Variants in DNALI1 observed in about 807,000 individuals in gnomAD.
The protein encoded by DNALI1 is axonemal dynein light intermediate polypeptide 1.
Under a neutral mutation model 33.9 loss-of-function variants are expected in DNALI1, and 31 were observed. The observed-to-expected ratio is 0.91, with a 90% CI of 0.69 to 1.23. The LOEUF (loss-of-function observed/expected upper bound fraction) is 1.23. DNALI1 is among the 50% of genes most tolerant of loss of function. The pLI, the probability that DNALI1 is intolerant of heterozygous loss-of-function variation, is 0.00. For missense variants in DNALI1, 305 were observed against 323.8 expected (o/e 0.94, Z 0.44); for synonymous variants, 117 against 129.2 (o/e 0.91, Z 0.64).
chr1:37,561,388 T>C lies in DNALI1; in HGVS notation c.398-169T>C, dbSNP rs142517083. On this transcript the variant is annotated intron_variant, in intron 3 of 5. Transcript: ENST00000652629. This position sits in a 1 kb window ranked among gnomAD's most constrained non-coding sequence, Gnocchi z 4.6. Reference sequence around the variant, plus strand: ...AGGAGTGACTGCATGGCAAGGCTCTTTGGGCCACTGAAGGCACCCTCCCTG... The same window carrying C: ...AGGAGTGACTGCATGGCAAGGCTCTCTGGGCCACTGAAGGCACCCTCCCTG... 504 of 750,498 alleles carry C rather than the reference T, an allele frequency of 6.7e-4. 1 individual carries two copies. In the African/African-American group the frequency reaches 7.6e-3, roughly 11 times the overall value. The allele number at this position is 750,498 out of a possible 1,614,324, so 46.5% of individuals were successfully genotyped here.
At position 37,561,328 on chromosome 1, in the gene DNALI1, T is replaced by C; in HGVS notation, c.398-229T>C. Reference sequence around the variant, plus strand: ...CTCCTTTGCTCTGGCCAACCCAGTCTTGCTGACTGTGCTACTCACAAGTGC... The same window carrying C: ...CTCCTTTGCTCTGGCCAACCCAGTCCTGCTGACTGTGCTACTCACAAGTGC... On this transcript the variant is annotated intron_variant, in intron 3 of 5. Transcript: ENST00000652629. This position sits in a 1 kb window ranked among gnomAD's most constrained non-coding sequence, Gnocchi z 4.6. The C allele has an allele frequency of 1.9e-6, 1 of 531,916 alleles. No individual in the cohort carries two copies. Among genetic ancestry groups the C allele is most frequent in the South Asian group, 2.8e-5 (1 of 35,836 alleles). The allele number at this position is 531,916 out of a possible 1,614,324, so 32.9% of individuals were successfully genotyped here.
In DNALI1 at chr1:37,566,854, A is replaced by G. The variant is rs756130836; in HGVS notation, c.*1793A>G. ...ATAATTTAATAAAAACCTTTTAAAC[A>G]TTACTGCTTTTGTCTGAATTTTTTG... On this transcript the variant is annotated 3_prime_UTR_variant, in exon 6 of 6. Transcript: ENST00000652629. 1.2e-6 allele frequency: 2 copies of G among 1,612,180 alleles called. No individual in the cohort carries two copies. The highest frequency in any genetic ancestry group is 2.2e-5 in the East Asian group (1 of 44,884).
rs768925360 is a variant in DNALI1 at position 37,561,568 on chromosome 1, C to T, written c.409C>T (p.Arg137Trp). The T allele has an allele frequency of 2.0e-5, 32 of 1,613,542 alleles. No individual in the cohort carries two copies. Among genetic ancestry groups the T allele is most frequent in the Middle Eastern group, 1.7e-4 (1 of 6,038 alleles). ...LYSQCFDELI[R>W]EVTINCAERG... is the part of the protein sequence containing the mutation. ...GTGTGCATTGGAAGATGAGTTGATC[C>T]GGGAGGTCACCATCAACTGTGCGGA... Residue 137 changes from arginine (R) to tryptophan (W), a missense_variant, in exon 4 of 6, where the codon CGG (arginine) becomes TGG (tryptophan). Transcript: ENST00000652629. The surrounding 1 kb of genome is among the most constrained non-coding windows in gnomAD (Gnocchi z 4.6).
intron 3 of DNALI1, chr1:37,560,944 T>G (rs1437390671): frequency 6.6e-6 from 1 of 152,370 alleles, no homozygotes; most frequent in Non-Finnish European, 1.5e-5. Flanking sequence ...TGCACCTCCT[T>G]GAGTGCTGGT....
chr1:37,557,580 C>T, intron 1 of DNALI1, 23 bp from the exon 2 acceptor site: 2 of 1,606,448 alleles, frequency 1.2e-6, no homozygotes, highest in Non-Finnish European at 1.7e-6. Context: ...AATTTCCTGC[C>T]CTCACCTGTG....
Position 37,561,968 on chromosome 1 carries a change from C to A in DNALI1, c.577-113C>A. On this transcript the variant is annotated intron_variant, in intron 4 of 5. Transcript: ENST00000652629. This position sits in a 1 kb window ranked among gnomAD's most constrained non-coding sequence, Gnocchi z 4.6. Reference sequence around the variant, plus strand: ...CTCCATGCCAGGCACTGACCTCCCACTGGGTGGCAGTATATACCCTGGCAA... The same window carrying A: ...CTCCATGCCAGGCACTGACCTCCCAATGGGTGGCAGTATATACCCTGGCAA... The A allele has an allele frequency of 6.6e-7, 1 of 1,511,240 alleles. No individual in the cohort carries two copies. Among genetic ancestry groups the A allele is most frequent in the East Asian group, 2.3e-5 (1 of 44,066 alleles). 93.6% of individuals were successfully genotyped at this position (1,511,240 alleles called of 1,614,324 possible). A position where few individuals can be genotyped will look rare whatever the true frequency, so the allele number is the denominator to read the frequency against.
Position 37,562,280 on chromosome 1 carries a change from C to T in DNALI1, c.741+35C>T. On this transcript the variant is annotated intron_variant, in intron 5 of 5. Transcript: ENST00000652629. The surrounding 1 kb of genome is among the most constrained non-coding windows in gnomAD (Gnocchi z 5.8). ...GCGCAGGGTGGGGTGGAGGTGCCCC[C>T]TGCCCTGCGACCCAGCCCCACAGGC... 1.3e-6 allele frequency: 2 copies of T among 1,594,526 alleles called. No homozygotes were observed. The highest frequency in any genetic ancestry group is 1.7e-6 in the Non-Finnish European group (2 of 1,170,428).
chr1:37,564,665 G>A (rs1273578094), intron 5 of DNALI1, among the ~76,000 whole-genome samples: 5 of 152,160 alleles, frequency 3.3e-5, no homozygotes, highest in East Asian at 1.9e-4. Context: ...ACAGGAATGA[G>A]CCACTGCGCC....
intron 2 of DNALI1, 117 bp downstream of exon 2, chr1:37,557,865 C>A: frequency 7.0e-7 from 1 of 1,438,712 alleles, no homozygotes. Context: ...CCCAGTATCA[C>A]AGAGCTCCTA....
chr1:37,561,612 G>T lies in DNALI1; in HGVS notation c.453G>T (p.Leu151=), dbSNP rs1452541152. 2 of 1,613,868 alleles carry T rather than the reference G, an allele frequency of 1.2e-6. No individual in the cohort carries two copies. Among genetic ancestry groups the T allele is most frequent in the South Asian group, 1.1e-5 (1 of 90,990 alleles). ...INCAERGLLL[L]RVRDEIRMTI... is the part of the protein sequence containing the mutation. ...GTGCGGAGAGGGGGCTGCTGCTGCT[G>T]CGAGTCCGGGACGAGATCCGCATGA... The change falls in exon 4 of 6, where the codon CTG becomes CTT. Residue 151 remains leucine (L), a synonymous_variant. Transcript: ENST00000652629. This position sits in a 1 kb window ranked among gnomAD's most constrained non-coding sequence, Gnocchi z 4.6.
In DNALI1 at chr1:37,561,775, T is replaced by C. The variant is rs764522053; in HGVS notation, c.576+40T>C. The C allele has an allele frequency of 1.3e-6, 2 of 1,594,266 alleles. No individual in the cohort carries two copies. Among genetic ancestry groups the C allele is most frequent in the South Asian group, 1.1e-5 (1 of 89,154 alleles). ...CCGTGACCCTTGGTCCCATCTCTTC[T>C]GTAAACCTCAGGGCCACATGCTTAT... is the stretch of plus-strand genomic sequence containing the variant. On this transcript the variant is annotated intron_variant, in intron 4 of 5. Coordinates refer to ENST00000652629, the MANE Select transcript of DNALI1 (RefSeq NM_003462.5). This position sits in a 1 kb window ranked among gnomAD's most constrained non-coding sequence, Gnocchi z 4.6.
rs965745718 is a variant in DNALI1, at chr1:37,561,440, T to C, written c.398-117T>C. On this transcript the variant is annotated intron_variant, in intron 3 of 5. Transcript: ENST00000652629. The surrounding 1 kb of genome is among the most constrained non-coding windows in gnomAD (Gnocchi z 4.6). ...GGCCCTTCTCTGAGGCCTTGCACTT[T>C]GTCTCCAAGCGAGAACACCCTAATG... 1.2e-4 allele frequency: 159 copies of C among 1,346,366 alleles called. No homozygotes were observed. Among genetic ancestry groups the C allele is most frequent in the Non-Finnish European group, 1.5e-4 (144 of 990,732 alleles). 83.4% of individuals were successfully genotyped at this position (1,346,366 alleles called of 1,614,324 possible).
intron 1 of DNALI1, 23 bp downstream of exon 1, chr1:37,557,098 CA>C: frequency 6.2e-7 from 1 of 1,613,896 alleles, no homozygotes; most frequent in Admixed American, 1.7e-5. Context: ...GCTCGGGAGA[CA>C]AAGGAGCCTC....
chr1:37,560,527 A>C (rs1254666497), intron 3 of DNALI1: 1 of 152,196 alleles, frequency 6.6e-6, no homozygotes, highest in Non-Finnish European at 1.5e-5. Context: ...TGTGAGCTCA[A>C]GGTTGGGGCA....
chr1:37,561,482 G>C lies in DNALI1; in HGVS notation c.398-75G>C. ...ACCCTAATGTCCTTCCCAAGAGGAAGGGTGTTTGCAGTAGACATACTGCAA... is the reference window on the plus strand; with the variant it reads ...ACCCTAATGTCCTTCCCAAGAGGAACGGTGTTTGCAGTAGACATACTGCAA... On this transcript the variant is annotated intron_variant, in intron 3 of 5. Coordinates refer to ENST00000652629, the MANE Select transcript of DNALI1 (RefSeq NM_003462.5). The surrounding 1 kb of genome is among the most constrained non-coding windows in gnomAD (Gnocchi z 4.6). 6.5e-7 allele frequency: 1 copy of C among 1,535,042 alleles called. No individual in the cohort carries two copies. Among genetic ancestry groups the C allele is most frequent in the Non-Finnish European group, 8.9e-7 (1 of 1,129,404 alleles).
At position 37,557,722 on chromosome 1, in the gene DNALI1, A is replaced by T; in HGVS notation, c.201A>T (p.Glu67Asp). The change falls in exon 2 of 6, where the codon GAA becomes GAT. Residue 67 changes from glutamate (E) to aspartate (D), a missense_variant. Coordinates refer to ENST00000652629, the MANE Select transcript of DNALI1 (RefSeq NM_003462.5). ...CAGATCCTACAAAGCAGGCAGAAGAAATCTTGAATGCCATACTACCCCCAA... is the reference window on the plus strand; with the variant it reads ...CAGATCCTACAAAGCAGGCAGAAGATATCTTGAATGCCATACTACCCCCAA... ...CVPDPTKQAE[E>D]ILNAILPPRE... 6.2e-7 allele frequency: 1 copy of T among 1,613,862 alleles called. No individual in the cohort carries two copies. The highest frequency in any genetic ancestry group is 8.5e-7 in the Non-Finnish European group (1 of 1,179,874).
Position 37,556,953 on chromosome 1 carries a change from A to T in DNALI1, c.-42A>T, listed in dbSNP as rs780088232. The T allele has an allele frequency of 6.2e-7, 1 of 1,614,208 alleles. No homozygotes were observed. Among genetic ancestry groups the T allele is most frequent in the Non-Finnish European group, 8.5e-7 (1 of 1,180,030 alleles). ...CATGGTGACGGCAAACAAGGCCCAC[A>T]CTGGACAGGGCAGCTGCTGGGTTGC... On this transcript the variant is annotated 5_prime_UTR_variant, in exon 1 of 6. Transcript: ENST00000652629.
chr1:37,557,676 T>C lies in DNALI1; in HGVS notation c.155T>C (p.Leu52Pro), dbSNP rs747202885. The change falls in exon 2 of 6, where the codon CTC (leucine) becomes CCC (proline). Residue 52 changes from leucine (L) to proline (P), a missense_variant. Leu to Pro is a moderately conservative substitution (Grantham distance 98). Transcript: ENST00000652629. ...GSAPQPPKTKLPSTPCVPDPT... is the reference protein window; with the variant it reads ...GSAPQPPKTKPPSTPCVPDPT... ...GCCCCACAGCCACCCAAGACCAAGC[T>C]CCCCTCAACTCCCTGTGTCCCAGAT... 6.2e-7 allele frequency: 1 copy of C among 1,613,642 alleles called. No individual in the cohort carries two copies. The highest frequency in any genetic ancestry group is 1.7e-5 in the Admixed American group (1 of 59,948).
intron 5 of DNALI1, among the ~76,000 whole-genome samples, chr1:37,564,619 G>C (rs112810477): frequency 6.6e-6 from 1 of 152,018 alleles, no homozygotes; most frequent in Admixed American, 6.6e-5. Context: ...CTGACCTCAC[G>C]ATCCGCCCGC....
Sources: allele counts gnomAD v4.1 joint callset (sites outside exome capture counted in the v4.1 genomes callset), GRCh38; gene constraint gnomAD v4.1.1; non-coding constraint Gnocchi (gnomAD v3.1); transcripts MANE v1.5; gene names NCBI Gene and HGNC (gene_info 2026-07-23, HGNC 2026-07-21).